The following TOR1AIP2 variants were observed in gnomAD, a reference collection of about 807,000 sequenced individuals.
TOR1AIP2 encodes torsin 1A interacting protein 2.
In TOR1AIP2, 20 loss-of-function variants were observed where a neutral mutation model predicts 32.6. The ratio of observed to expected loss-of-function variants is 0.61; its 90% CI spans 0.43 to 0.89. TOR1AIP2 has a LOEUF of 0.89. TOR1AIP2 is among the 40% of genes least tolerant of loss of function. TOR1AIP2 has a pLI of 0.00. For synonymous variants in TOR1AIP2, 214 were observed against 210.8 expected (o/e 1.02, Z -0.13); for missense variants, 456 against 553.8 (o/e 0.82, Z 1.77).
rs1415255197 is a variant in TOR1AIP2 at position 179,846,742 on chromosome 1, T to G, written c.742A>C (p.Lys248Gln). Reference sequence around the variant, plus strand: ...AAAAAGGCCTCCAAAGCTGGATTTTTGGGCACTTGCTGGGCTGGAGAGGAA... The same window carrying G: ...AAAAAGGCCTCCAAAGCTGGATTTTGGGGCACTTGCTGGGCTGGAGAGGAA... ...YYSSPAQQVP[K>Q]NPALEAFLAQ... The change falls in exon 7 of 7, where the codon AAA (lysine) becomes CAA (glutamine). Residue 248 changes from lysine to glutamine, a missense_variant. Coordinates refer to ENST00000609928, the MANE Select transcript of TOR1AIP2 (RefSeq NM_001199260.2). 8.7e-6 allele frequency: 14 copies of G among 1,613,894 alleles called. No individual in the cohort carries two copies. The highest frequency in any genetic ancestry group is 1.1e-5 in the Non-Finnish European group (13 of 1,180,036).
chr1:179,857,202 G>A (rs1003898538), intron 3 of TOR1AIP2, among the ~76,000 whole-genome samples: 5 of 152,220 alleles, frequency 3.3e-5, no homozygotes, highest in African/African-American at 9.6e-5. Context: ...AAATGTTGGT[G>A]TTCAGTGCTC....
chr1:179,848,110 A>G (rs1320363772), intron 5 of TOR1AIP2, among the ~76,000 whole-genome samples: 1 of 152,132 alleles, frequency 6.6e-6, no homozygotes, highest in Non-Finnish European at 1.5e-5. Flanking sequence ...TTCTACTTAG[A>G]AGGATAAAAT....
chr1:179,863,429 GC>G, intron 3 of TOR1AIP2: 1 of 985,090 alleles, frequency 1.0e-6, no homozygotes, highest in South Asian at 4.7e-5. Context: ...TTGAAAGAAA[GC>G]CTTTTGCTCT....
chr1:179,865,126 A>G, intron 3 of TOR1AIP2: 1 of 1,613,788 alleles, frequency 6.2e-7, no homozygotes, highest in South Asian at 1.1e-5. Context: ...GTTCTAAACT[A>G]GGGAACCACT....
chr1:179,874,538 G>C (rs189520208), intron 2 of TOR1AIP2: 1 of 152,414 alleles, frequency 6.6e-6, no homozygotes, highest in East Asian at 1.9e-4. Flanking sequence ...GGCAGGAGAG[G>C]ACTGCTTGAG....
Position 179,845,752 on chromosome 1 carries a change from T to A in TOR1AIP2, c.*319A>T, listed in dbSNP as rs1243643314. On this transcript the variant is annotated 3_prime_UTR_variant, in exon 7 of 7. Transcript: ENST00000609928. ...AAAAAAAATCACTCTGTAGTTACTC[T>A]AAGAAGTAAGAGTATCTTCCTGTGC... 4.7e-6 allele frequency: 1 copy of A among 211,210 alleles called. No individual in the cohort carries two copies. The highest frequency in any genetic ancestry group is 5.4e-5 in the Admixed American group (1 of 18,624). The allele number at this position is 211,210 out of a possible 1,614,324, so 13.1% of individuals were successfully genotyped here.
intron 2 of TOR1AIP2, among the ~76,000 whole-genome samples, chr1:179,866,834 TATC>T (rs1696803859): frequency 6.6e-6 from 1 of 152,214 alleles, no homozygotes; most frequent in African/African-American, 2.4e-5. Flanking sequence ...TTGCAGATGT[TATC>T]ATCATCTTTG....
At position 179,846,580 on chromosome 1, in the gene TOR1AIP2, G is replaced by A. The variant is rs754992879; in HGVS notation, c.904C>T (p.Arg302Trp). Residue 302 changes from arginine (R) to tryptophan (W), a missense_variant, in exon 7 of 7, where the codon CGG becomes TGG. Arg to Trp is a moderately radical substitution (Grantham distance 101). Coordinates refer to ENST00000609928, the MANE Select transcript of TOR1AIP2 (RefSeq NM_001199260.2). ...CACTTCAGGGTCTCTCTTCCCTCCCGAGCTGCTGTAAATATGATGGTGGCT... is the reference window on the plus strand; with the variant it reads ...CACTTCAGGGTCTCTCTTCCCTCCCAAGCTGCTGTAAATATGATGGTGGCT... ...EPATIIFTAA[R>W]EGRETLKCLS... 19 of 1,613,988 alleles carry A rather than the reference G, an allele frequency of 1.2e-5. No homozygotes were observed. The highest frequency in any genetic ancestry group is 8.8e-5 in the South Asian group (8 of 91,082).
In TOR1AIP2 at chr1:179,852,789, G is replaced by C; in HGVS notation, c.-124C>G. On this transcript the variant is annotated 5_prime_UTR_variant, in exon 4 of 7. Coordinates refer to ENST00000609928, the MANE Select transcript of TOR1AIP2 (RefSeq NM_001199260.2). ...AGACTCATGCTTCCCATGGACCCAGGAAATAAGGCATATATACAGTGACTA... is the reference window on the plus strand; with the variant it reads ...AGACTCATGCTTCCCATGGACCCAGCAAATAAGGCATATATACAGTGACTA... The C allele has an allele frequency of 1.3e-6, 2 of 1,552,348 alleles. No individual in the cohort carries two copies. Among genetic ancestry groups the C allele is most frequent in the Non-Finnish European group, 8.7e-7 (1 of 1,147,724 alleles).
Position 179,840,108 on chromosome 1 carries a change from T to C in TOR1AIP2, c.*5963A>G, listed in dbSNP as rs913455671. ...AGTGCAGAGAAGTGGGACGTTAGTA[T>C]TGGCAAAGCACACATATTTTTTGTT... On this transcript the variant is annotated 3_prime_UTR_variant, in exon 7 of 7. Transcript: ENST00000609928. 4 of 152,248 alleles carry C rather than the reference T, an allele frequency of 2.6e-5. No homozygotes were observed. Among genetic ancestry groups the C allele is most frequent in the Non-Finnish European group, 5.9e-5 (4 of 68,040 alleles). The allele number at this position is 152,248 out of a possible 1,614,324, so 9.4% of individuals were successfully genotyped here.
chr1:179,858,310 A>G (rs1696384230), intron 3 of TOR1AIP2, among the ~76,000 whole-genome samples: 2 of 152,042 alleles, frequency 1.3e-5, no homozygotes, highest in Non-Finnish European at 2.9e-5. Flanking sequence ...AGCATTATTA[A>G]CATATATAAA....
intron 3 of TOR1AIP2, 99 bp from the exon 4 acceptor site, chr1:179,852,910 A>T: frequency 2.2e-6 from 2 of 917,236 alleles, no homozygotes; most frequent in Non-Finnish European, 2.8e-6. Context: ...CTTGAGTACT[A>T]TTTCCTCTGT....
At chr1:179,848,883 C>A (rs879290334) in intron 5 of TOR1AIP2, among the ~76,000 whole-genome samples, 2 of 152,128 alleles carry the variant, frequency 1.3e-5, no homozygotes, top group Non-Finnish European at 2.9e-5. Context: ...GTAATCCCAG[C>A]ACTTTGGGAG....
Position 179,841,296 on chromosome 1 carries a change from C to A in TOR1AIP2, c.*4775G>T, listed in dbSNP as rs1384319858. ...AATGAAATATGCTCAGGCTGATAAA[C>A]AAACAAGATATTAAAATGGAGACTG... On this transcript the variant is annotated 3_prime_UTR_variant, in exon 7 of 7. Transcript: ENST00000609928. 1 of 151,992 alleles carries A rather than the reference C, an allele frequency of 6.6e-6. No homozygotes were observed. The highest frequency in any genetic ancestry group is 2.1e-4 in the South Asian group (1 of 4,824). The allele number at this position is 151,992 out of a possible 1,614,324, so 9.4% of individuals were successfully genotyped here. A position where few individuals can be genotyped will look rare whatever the true frequency, so the allele number is the denominator to read the frequency against.
Position 179,852,753 on chromosome 1 carries a change from C to T in TOR1AIP2, c.-88G>A. 6.3e-7 allele frequency: 1 copy of T among 1,598,026 alleles called. No individual in the cohort carries two copies. Among genetic ancestry groups the T allele is most frequent in the Non-Finnish European group, 8.5e-7 (1 of 1,171,262 alleles). ...AAGATGTCTTGTTTTCTTCTTGTCC[C>T]AAGTCCCAACAGACTCATGCTTCCC... On this transcript the variant is annotated 5_prime_UTR_variant, in exon 4 of 7. Coordinates refer to ENST00000609928, the MANE Select transcript of TOR1AIP2 (RefSeq NM_001199260.2).
chr1:179,840,606 C>A lies in TOR1AIP2; in HGVS notation c.*5465G>T, dbSNP rs1695690034. The A allele has an allele frequency of 6.6e-6, 1 of 151,988 alleles. No homozygotes were observed. Among genetic ancestry groups the A allele is most frequent in the Admixed American group, 6.6e-5 (1 of 15,252 alleles). The allele number at this position is 151,988 out of a possible 1,614,324, so 9.4% of individuals were successfully genotyped here. Reference sequence around the variant, plus strand: ...AGGGGATACTGATTATGTTCTCAGGCCATTTGGATTGGCCTATAGAGATAC... The same window carrying A: ...AGGGGATACTGATTATGTTCTCAGGACATTTGGATTGGCCTATAGAGATAC... On this transcript the variant is annotated 3_prime_UTR_variant, in exon 7 of 7. Coordinates refer to ENST00000609928, the MANE Select transcript of TOR1AIP2 (RefSeq NM_001199260.2).
chr1:179,866,543 TTACAGGTA>T (rs747883238), intron 2 of TOR1AIP2, among the ~76,000 whole-genome samples: 47 of 152,242 alleles, frequency 3.1e-4, no homozygotes, highest in Middle Eastern at 6.8e-3. Context: ...CTCCCAAGTA[TTACAGGTA>T]TGTGCCACCA....
chr1:179,856,860 C>T (rs1245548282), intron 3 of TOR1AIP2, among the ~76,000 whole-genome samples: 2 of 152,200 alleles, frequency 1.3e-5, no homozygotes, highest in Non-Finnish European at 2.9e-5. Flanking sequence ...GTGATCTGCC[C>T]GCCTCAGCCT....
At chr1:179,852,899 G>A in intron 3 of TOR1AIP2, 88 bp from the exon 4 acceptor site, 1 of 1,003,540 alleles carries the variant, frequency 1.0e-6, no homozygotes, top group Non-Finnish European at 1.3e-6. Context: ...AATATGTGTA[G>A]CTTGAGTACT....
Sources: gnomAD v4.1 joint callset for allele counts (sites outside exome capture counted in the v4.1 genomes callset) on GRCh38, gnomAD v4.1.1 for gene constraint, MANE v1.5 for transcripts, NCBI Gene and HGNC (gene_info 2026-07-23, HGNC 2026-07-21) for gene names.